Variants in PTPRK observed in about 807,000 individuals in gnomAD.
PTPRK encodes protein tyrosine phosphatase receptor type K.
Under a neutral mutation model 178.0 loss-of-function variants are expected in PTPRK, and 75 were observed. That is an observed-to-expected ratio of 0.42 (90% confidence interval 0.35 to 0.51). The LOEUF is 0.51. Ranked by LOEUF, PTPRK falls within the 20% of genes least tolerant of loss-of-function variation. PTPRK has a pLI of 0.02. For synonymous variants in PTPRK, 637 were observed against 620.6 expected, an observed-to-expected ratio of 1.03 and a Z score of -0.39; for missense variants, 1,441 against 1,797.8, an observed-to-expected ratio of 0.80 and a Z score of 3.59.
chr6:128,480,003 CCCATTTCTCTA>C (rs1851857009), intron 1 of PTPRK, among the ~76,000 whole-genome samples: 1 of 152,150 alleles, frequency 6.6e-6, no homozygotes, highest in Non-Finnish European at 1.5e-5. Flanking sequence ...CTTTGCCTTT[CCCATTTCTCTA>C]AATGTTTGCC....
At chr6:128,371,806 G>C (rs1483204038) in intron 2 of PTPRK, among the ~76,000 whole-genome samples, 1 of 151,850 alleles carries the variant, frequency 6.6e-6, no homozygotes, top group Non-Finnish European at 1.5e-5. Context: ...AACCTGGGAG[G>C]TCGAGGCTGC....
At chr6:128,415,493 A>T (rs1208986020) in intron 1 of PTPRK, among the ~76,000 whole-genome samples, 3 of 127,524 alleles carry the variant, frequency 2.4e-5, no homozygotes, top group African/African-American at 8.7e-5. Context: ...GCCATTTGAG[A>T]TATGCAGTGA....
At chr6:128,221,352 G>A (rs1246160849) in intron 5 of PTPRK, among the ~76,000 whole-genome samples, 1 of 150,066 alleles carries the variant, frequency 6.7e-6, no homozygotes. Flanking sequence ...GTGAAACCCC[G>A]TCTGTACTAA....
At chr6:128,187,631 T>A (rs1360831927) in intron 6 of PTPRK, among the ~76,000 whole-genome samples, 3 of 152,112 alleles carry the variant, frequency 2.0e-5, no homozygotes, top group Non-Finnish European at 4.4e-5. Flanking sequence ...AAGAAATAAG[T>A]TTGATGTAAT....
At chr6:128,348,475 T>TA (rs1295350281) in intron 2 of PTPRK, among the ~76,000 whole-genome samples, 1 of 151,988 alleles carries the variant, frequency 6.6e-6, no homozygotes, top group Non-Finnish European at 1.5e-5. Context: ...CCCAAATCTT[T>TA]AAAATATATT....
At chr6:128,190,489 C>CATTTTTTTTTTT (rs1803583522) in intron 6 of PTPRK, among the ~76,000 whole-genome samples, 1 of 130,852 alleles carries the variant, frequency 7.6e-6, no homozygotes, top group African/African-American at 3.3e-5. Context: ...GTGATAGATA[C>CATTTTTTTTTTT]CTTTTTTTTT....
intron 6 of PTPRK, among the ~76,000 whole-genome samples, chr6:128,215,400 T>G (rs1809092587): frequency 6.6e-6 from 1 of 152,196 alleles, no homozygotes. Context: ...TACTTCGACT[T>G]GTATTTCAAA....
chr6:128,504,045 A>T (rs1855953818), intron 1 of PTPRK, among the ~76,000 whole-genome samples: 2 of 152,218 alleles, frequency 1.3e-5, no homozygotes, highest in Admixed American at 6.5e-5. Flanking sequence ...ACAAGCTTTG[A>T]AGGATATCAT....
chr6:127,972,361 C>T (rs9482850), intron 29 of PTPRK, among the ~76,000 whole-genome samples: 19,116 of 152,178 alleles, frequency 0.13, 1,271 homozygotes, highest in Non-Finnish European at 0.15. Context: ...AGATATCTCT[C>T]GTTAGAAGTA....
chr6:128,379,376 T>C (rs1458431945), intron 2 of PTPRK, among the ~76,000 whole-genome samples: 1 of 152,162 alleles, frequency 6.6e-6, no homozygotes, highest in Non-Finnish European at 1.5e-5. Flanking sequence ...CAAGTATCAA[T>C]CCATTTACAT....
chr6:128,078,884 G>A lies in PTPRK; in HGVS notation c.1812C>T (p.Ala604=), dbSNP rs1485445624. ...TTGTGGTGGCAGTTTCATTGAGAGA[G>A]GCATCAACTCCTTCATAGTCAGGTA... is the stretch of plus-strand genomic sequence containing the variant. ...PTLPDYEGVD[A]SLNETATTIT... Residue 604 remains alanine, a synonymous_variant, in exon 11 of 30, where the codon GCC becomes GCT. Transcript: ENST00000368226. The A allele has an allele frequency of 6.2e-7, 1 of 1,612,044 alleles. No individual in the cohort carries two copies. The highest frequency in any genetic ancestry group is 2.2e-5 in the East Asian group (1 of 44,838).
intron 5 of PTPRK, chr6:128,238,000 T>C (rs1034896310): frequency 4.5e-6 from 2 of 444,426 alleles, no homozygotes; most frequent in South Asian, 1.6e-5. Context: ...TAGATTTCAA[T>C]ATTTCTTGTA....
Position 128,142,416 on chromosome 6 carries a change from A to G in PTPRK, c.1162+42016T>C, listed in dbSNP as rs538953708. ...AATACATATCATCTAGGATGAAGAAATCCATCATAGCTTTCAGCTAGACAA... is the reference window on the plus strand; with the variant it reads ...AATACATATCATCTAGGATGAAGAAGTCCATCATAGCTTTCAGCTAGACAA... On this transcript the variant is annotated intron_variant, in intron 7 of 29. Transcript: ENST00000368226. Among the ~76,000 whole-genome samples the G allele has an allele frequency of 2.4e-4, 37 of 152,122 alleles. 2 individuals are homozygous for G. The South Asian group carries it at 7.7e-3, about 32-fold the overall frequency.
In PTPRK at chr6:128,301,654, C is replaced by T. The variant is rs137922822; in HGVS notation, c.495+20385G>A. ...TTACATTATAAAAAGAGTCTTTTTG[C>T]CTTTTCAGAAGAAAGTAATTCTATA... On this transcript the variant is annotated intron_variant, in intron 3 of 29. Transcript: ENST00000368226. Among the ~76,000 whole-genome samples, 108 of 151,960 alleles carry T rather than the reference C, an allele frequency of 7.1e-4. 1 individual carries two copies. The highest frequency in any genetic ancestry group is 2.5e-3 in the African/African-American group (105 of 41,460).
chr6:128,479,706 G>A (rs768334848), intron 1 of PTPRK, among the ~76,000 whole-genome samples: 5 of 152,038 alleles, frequency 3.3e-5, no homozygotes, highest in Non-Finnish European at 5.9e-5. Context: ...TTAATTGCTC[G>A]TTGAAAGCAG....
intron 15 of PTPRK, chr6:128,000,148 A>C: frequency 4.0e-6 from 4 of 993,566 alleles, no homozygotes; most frequent in Non-Finnish European, 4.8e-6. Context: ...TCATTAACAG[A>C]AGAGAAAATA....
At chr6:128,454,092 C>A (rs141255827) in intron 1 of PTPRK, among the ~76,000 whole-genome samples, 1 of 152,116 alleles carries the variant, frequency 6.6e-6, no homozygotes, top group East Asian at 1.9e-4. Flanking sequence ...AAGGGCAAAA[C>A]CTTTAGTTTT....
At chr6:127,973,967 C>T in intron 27 of PTPRK, 140 bp from the exon 28 acceptor site, 2 of 747,056 alleles carry the variant, frequency 2.7e-6, no homozygotes, top group African/African-American at 1.8e-5. Flanking sequence ...TATGTACATG[C>T]TAGTAAAAAA....
intron 21 of PTPRK, 116 bp from the exon 22 acceptor site, chr6:127,985,991 G>C: frequency 1.0e-6 from 1 of 962,866 alleles, no homozygotes; most frequent in Middle Eastern, 2.7e-4. Context: ...AAACCTTTAC[G>C]AAAGACTATG....
Sources: gnomAD v4.1 joint callset for allele counts (sites outside exome capture counted in the v4.1 genomes callset) on GRCh38, gnomAD v4.1.1 for gene constraint, MANE v1.5 for transcripts, NCBI Gene and HGNC (gene_info 2026-07-23, HGNC 2026-07-21) for gene names.